ANKRD13C: variants seen among roughly 807,000 people sequenced by gnomAD.
The protein encoded by ANKRD13C is ankyrin repeat domain-containing protein 13C.
A neutral mutation model predicts 65.5 loss-of-function variants in ANKRD13C; 16 were observed. The ratio of observed to expected loss-of-function variants is 0.24; its 90% CI spans 0.17 to 0.37. The LOEUF (loss-of-function observed/expected upper bound fraction) is 0.37. ANKRD13C is among the 10% of genes least tolerant of loss of function. The pLI is 1.00. For synonymous variants in ANKRD13C, 235 were observed against 238.7 expected, an observed-to-expected ratio of 0.98 and a Z score of 0.14; for missense variants, 503 against 655.9, an observed-to-expected ratio of 0.77 and a Z score of 2.55.
intron 1 of ANKRD13C, among the ~76,000 whole-genome samples, chr1:70,345,020 C>T (rs1196372325): frequency 6.6e-6 from 1 of 152,018 alleles, no homozygotes; most frequent in South Asian, 2.1e-4. Context: ...TAACAGAAGA[C>T]AGCAGCTAGG....
rs1274869494 is a variant in ANKRD13C, at chr1:70,275,657, T to C, written c.1296-839A>G. Among the ~76,000 whole-genome samples the C allele has an allele frequency of 3.9e-5, 6 of 152,240 alleles. 1 individual carries two copies. In the East Asian group the frequency reaches 1.2e-3, roughly 29 times the overall value. The stretch of plus-strand genomic sequence containing the variant: ...AATACAATAATACCCTCATAAATTT[T>C]GTTTAGCACCATAAAATATTAAGGT... On this transcript the variant is annotated intron_variant, in intron 10 of 12. Coordinates refer to ENST00000370944, the MANE Select transcript of ANKRD13C (RefSeq NM_030816.5).
Position 70,261,538 on chromosome 1 carries a change from G to A in ANKRD13C, c.*1179C>T, listed in dbSNP as rs1480728039. 6.6e-6 allele frequency: 1 copy of A among 151,790 alleles called. No individual in the cohort carries two copies. The highest frequency in any genetic ancestry group is 1.5e-5 in the Non-Finnish European group (1 of 67,852). 9.4% of individuals were successfully genotyped at this position (151,790 alleles called of 1,614,324 possible). ...CTTCAAACCACCTTGGAATAAATAA[G>A]AAAAATTTTAAGTGCAAAAATGAGT... On this transcript the variant is annotated 3_prime_UTR_variant, in exon 13 of 13. Transcript: ENST00000370944.
At chr1:70,349,696 T>C (rs1682667565) in intron 1 of ANKRD13C, among the ~76,000 whole-genome samples, 1 of 152,060 alleles carries the variant, frequency 6.6e-6, no homozygotes, top group Non-Finnish European at 1.5e-5. Context: ...CAACAAGTTC[T>C]CCAGGTACAA....
chr1:70,264,031 T>C (rs1466438625), intron 12 of ANKRD13C, among the ~76,000 whole-genome samples: 1 of 152,212 alleles, frequency 6.6e-6, no homozygotes, highest in Non-Finnish European at 1.5e-5. Flanking sequence ...GAAAAAATTA[T>C]TCCTTTGTAC....
At chr1:70,277,649 T>C (rs545645596) in intron 9 of ANKRD13C, among the ~76,000 whole-genome samples, 23 of 152,132 alleles carry the variant, frequency 1.5e-4, no homozygotes, top group Admixed American at 5.9e-4. Context: ...GACTATGCAA[T>C]TGGACTTCAG....
rs943810841 is a variant in ANKRD13C at position 70,336,556 on chromosome 1, G to A, written c.431-457C>T. 1.1e-4 allele frequency among the ~76,000 whole-genome samples: 17 copies of A among 152,080 alleles called. No individual in the cohort carries two copies. In the East Asian group the frequency reaches 1.2e-3, roughly 10 times the overall value. On this transcript the variant is annotated intron_variant, in intron 1 of 12. Coordinates refer to ENST00000370944, the MANE Select transcript of ANKRD13C (RefSeq NM_030816.5). ...AAATAGAAGGGAGTACAGCCTGACC[G>A]TAGAACATATGGCAGAGCTCATAAC...
intron 8 of ANKRD13C, among the ~76,000 whole-genome samples, chr1:70,295,546 T>C (rs1680046660): frequency 6.6e-6 from 1 of 152,098 alleles, no homozygotes; most frequent in Non-Finnish European, 1.5e-5. Flanking sequence ...ACGCCTAGCC[T>C]CAAAATTTTC....
intron 9 of ANKRD13C, among the ~76,000 whole-genome samples, chr1:70,286,525 G>A (rs1445140658): frequency 6.6e-6 from 1 of 152,008 alleles, no homozygotes; most frequent in African/African-American, 2.4e-5. Flanking sequence ...AAAGCCATGT[G>A]CACCTGCTCA....
At chr1:70,317,084 T>A (rs907265141) in intron 3 of ANKRD13C, among the ~76,000 whole-genome samples, 3 of 151,510 alleles carry the variant, frequency 2.0e-5, no homozygotes. Context: ...TCCACATAGG[T>A]CCAAAATTAG....
intron 7 of ANKRD13C, among the ~76,000 whole-genome samples, chr1:70,299,795 A>G (rs889352810): frequency 3.9e-5 from 6 of 152,238 alleles, no homozygotes; most frequent in Non-Finnish European, 5.9e-5. Context: ...CACACATGAT[A>G]TCCATTAGGC....
chr1:70,291,907 T>A (rs1030532402), intron 9 of ANKRD13C, among the ~76,000 whole-genome samples: 1 of 151,974 alleles, frequency 6.6e-6, no homozygotes, highest in African/African-American at 2.4e-5. Context: ...TCACTTGAGG[T>A]CAGGAGTTTG....
chr1:70,311,734 AT>A (rs1176396154), intron 5 of ANKRD13C, among the ~76,000 whole-genome samples: 1 of 152,240 alleles, frequency 6.6e-6, no homozygotes, highest in Non-Finnish European at 1.5e-5. Context: ...TCTATTAAAA[AT>A]AGATTAAAAT....
At chr1:70,302,725 C>CAAAAAAA (rs11359618) in intron 6 of ANKRD13C, among the ~76,000 whole-genome samples, 360 of 32,184 alleles carry the variant, frequency 0.011, no homozygotes, top group Admixed American at 0.015. Flanking sequence ...GACTCCGTCT[C>CAAAAAAA]AAAAAAAAAA....
chr1:70,324,176 T>C (rs1287941031), intron 3 of ANKRD13C, among the ~76,000 whole-genome samples: 2 of 152,196 alleles, frequency 1.3e-5, no homozygotes, highest in Admixed American at 6.5e-5. Flanking sequence ...TTAGATTTAA[T>C]TGATCATTTT....
At chr1:70,340,042 G>A (rs1411085065) in intron 1 of ANKRD13C, among the ~76,000 whole-genome samples, 2 of 151,522 alleles carry the variant, frequency 1.3e-5, no homozygotes, top group African/African-American at 4.9e-5. Flanking sequence ...CAGTAGAGAT[G>A]TCTCACTATG....
Position 70,354,258 on chromosome 1 carries a change from G to A in ANKRD13C, c.151C>T (p.His51Tyr), listed in dbSNP as rs753256924. 1.5e-5 allele frequency: 25 copies of A among 1,613,492 alleles called. No homozygotes were observed. The highest frequency in any genetic ancestry group is 1.3e-4 in the Admixed American group (8 of 60,004). ...SRIGKGGKACHKIFSNHHHRL... is the reference protein window; with the variant it reads ...SRIGKGGKACYKIFSNHHHRL... ...TGGTGATGGTTACTGAAGATCTTAT[G>A]ACAAGCTTTGCCGCCCTTGCCAATC... Residue 51 changes from histidine to tyrosine, a missense_variant, in exon 1 of 13, where the codon CAT becomes TAT. His to Tyr is a moderately conservative substitution (Grantham distance 83). Coordinates refer to ENST00000370944, the MANE Select transcript of ANKRD13C (RefSeq NM_030816.5).
chr1:70,304,735 T>C (rs1680516974), intron 6 of ANKRD13C, among the ~76,000 whole-genome samples: 1 of 152,134 alleles, frequency 6.6e-6, no homozygotes, highest in African/African-American at 2.4e-5. Flanking sequence ...TGGAAGATAA[T>C]AGTATCCTCC....
chr1:70,296,326 T>C (rs1053937203), intron 7 of ANKRD13C, 65 bp from the exon 8 acceptor site: 2 of 1,482,016 alleles, frequency 1.3e-6, no homozygotes, highest in Admixed American at 2.2e-5. Context: ...GTACTACATA[T>C]GAAAATATCA....
chr1:70,280,774 A>G (rs1679353040), intron 9 of ANKRD13C, among the ~76,000 whole-genome samples: 1 of 152,222 alleles, frequency 6.6e-6, no homozygotes, highest in South Asian at 2.1e-4. Context: ...TACTGTATAC[A>G]TTTTAGTTAC....
Sources: allele counts gnomAD v4.1 joint callset (sites outside exome capture counted in the v4.1 genomes callset), GRCh38; gene constraint gnomAD v4.1.1; transcripts MANE v1.5; gene names NCBI Gene and HGNC (gene_info 2026-07-23, HGNC 2026-07-21).